MYO15A: variants seen among roughly 807,000 people sequenced by gnomAD.
MYO15A encodes unconventional myosin-XV.
A neutral mutation model predicts 394.6 loss-of-function variants in MYO15A; 308 were observed. The observed-to-expected ratio is 0.78, with a 90% CI of 0.71 to 0.86. The LOEUF is 0.86. Among genes scored for constraint, MYO15A ranks in the 40% least tolerant of loss-of-function variants. The pLI is 0.00. For missense variants in MYO15A, 4,606 were observed against 4,799.1 expected (o/e 0.96, Z 1.19); for synonymous variants, 1,957 against 2,003.8 (o/e 0.98, Z 0.62).
rs372456365 is a variant in MYO15A at position 18,124,957 on chromosome 17, T to G, written c.3693-211T>G. 27 of 618,792 alleles carry G rather than the reference T, an allele frequency of 4.4e-5. No homozygotes were observed. The South Asian group carries it at 5.1e-4, about 12-fold the overall frequency. 38.3% of individuals were successfully genotyped at this position (618,792 alleles called of 1,614,324 possible). A position where few individuals can be genotyped will look rare whatever the true frequency, so the allele number is the denominator to read the frequency against. ...AGTGTCCCCCAAACCCCCAATGAAG[T>G]AGGTACAATGATTATCATACCCATT... On this transcript the variant is annotated intron_variant, in intron 3 of 65. Transcript: ENST00000647165.
chr17:18,136,713 CG>C, intron 15 of MYO15A, 27 bp downstream of exon 15: 1 of 1,572,112 alleles, frequency 6.4e-7, no homozygotes. Context: ...GGCTGAGGGG[CG>C]GGGGACATAG....
rs933911000 is a variant in MYO15A at position 18,150,096 on chromosome 17, C to T, written c.7213-333C>T. 2.5e-6 allele frequency: 1 copy of T among 401,604 alleles called. No homozygotes were observed. Among genetic ancestry groups the T allele is most frequent in the Non-Finnish European group, 4.7e-6 (1 of 214,742 alleles). The allele number at this position is 401,604 out of a possible 1,614,324, so 24.9% of individuals were successfully genotyped here. On this transcript the variant is annotated intron_variant, in intron 35 of 65. Coordinates refer to ENST00000647165, the MANE Select transcript of MYO15A (RefSeq NM_016239.4). The surrounding 1 kb of genome is among the most constrained non-coding windows in gnomAD (Gnocchi z 4.4). ...TAGCCCCAGATCTCACGAGACCCCT[C>T]AGGTACCCTTACTCACTCTGGAAAC... is the stretch of plus-strand genomic sequence containing the variant.
chr17:18,168,949 T>G (rs868678588), intron 62 of MYO15A, among the ~76,000 whole-genome samples: 1 of 135,538 alleles, frequency 7.4e-6, no homozygotes, highest in Non-Finnish European at 1.6e-5. Context: ...TAAAAAAATT[T>G]AAAAAAAAAA....
chr17:18,125,660 G>A (rs1371501855), intron 4 of MYO15A: 3 of 172,772 alleles, frequency 1.7e-5, no homozygotes, highest in Admixed American at 6.8e-5. Context: ...AGCGGAGATC[G>A]CGCCACTGCA....
intron 62 of MYO15A, among the ~76,000 whole-genome samples, chr17:18,170,661 G>A (rs1026269065): frequency 1.6e-4 from 25 of 151,958 alleles, no homozygotes; most frequent in African/African-American, 3.9e-4. Context: ...GCTAGCCACC[G>A]CGCCTTGCCT....
In MYO15A at chr17:18,120,020, C is replaced by A; in HGVS notation, c.1220C>A (p.Ser407Ter). 1.2e-6 allele frequency: 2 copies of A among 1,613,652 alleles called. No homozygotes were observed. Among genetic ancestry groups the A allele is most frequent in the South Asian group, 1.1e-5 (1 of 91,088 alleles). The change falls in exon 2 of 66, where the codon TCG becomes TAG. Residue 407 changes from serine (S) to a stop codon, truncating the protein, a stop_gained. Coordinates refer to ENST00000647165, the MANE Select transcript of MYO15A (RefSeq NM_016239.4). LOFTEE classifies it high-confidence loss of function. ...VPYFYPEESASAFVYPWVPPP... is the reference protein window; with the variant it reads ...VPYFYPEESA ...TATTTTTACCCGGAGGAGTCGGCTT[C>A]GGCCTTTGTGTACCCCTGGGTACCA...
chr17:18,170,207 AT>A (rs2046919691), intron 62 of MYO15A, among the ~76,000 whole-genome samples: 1 of 151,954 alleles, frequency 6.6e-6, no homozygotes, highest in South Asian at 2.1e-4. Context: ...GATGAAAATG[AT>A]TTTCAACCCC....
At chr17:18,157,931 G>GGGGGC in intron 51 of MYO15A, 31 bp downstream of exon 51, 2 of 412,710 alleles carry the variant, frequency 4.8e-6, no homozygotes, top group Non-Finnish European at 9.0e-6. Context: ...GTGGGGCGGG[G>GGGGGC]TAGACCAGGG....
Position 18,130,823 on chromosome 17 carries a change from T to TGTGTGTGTGTGTG in MYO15A, c.4038+14_4038+26dup. On this transcript the variant is annotated intron_variant, in intron 8 of 65. Coordinates refer to ENST00000647165, the MANE Select transcript of MYO15A (RefSeq NM_016239.4). ...CTTGAAGATAAAGGTACTCAGTGTGTGTGTGTGTGTGTGTGTGTGTGTGTG... is the reference window on the plus strand; with the variant it reads ...CTTGAAGATAAAGGTACTCAGTGTGTGTGTGTGTGTGTGGTGTGTGTGTGTGTGTGTGTGTGTG... 9.9e-7 allele frequency: 1 copy of TGTGTGTGTGTGTG among 1,007,560 alleles called. No individual in the cohort carries two copies. Among genetic ancestry groups the TGTGTGTGTGTGTG allele is most frequent in the Non-Finnish European group, 1.4e-6 (1 of 732,368 alleles). The allele number at this position is 1,007,560 out of a possible 1,614,324, so 62.4% of individuals were successfully genotyped here. A position where few individuals can be genotyped will look rare whatever the true frequency, so the allele number is the denominator to read the frequency against.
At chr17:18,152,037 A>C (rs1475022665) in intron 41 of MYO15A, 75 bp from the exon 42 acceptor site, 2 of 1,537,502 alleles carry the variant, frequency 1.3e-6, no homozygotes, top group South Asian at 1.2e-5. Context: ...CTACCCCTAT[A>C]AGCTGTGGCC....
chr17:18,163,148 G>A, intron 58 of MYO15A, 96 bp from the exon 59 acceptor site: 2 of 1,341,182 alleles, frequency 1.5e-6, no homozygotes, highest in Non-Finnish European at 2.1e-6. Flanking sequence ...TGCCAGCCCA[G>A]GATCCTTTGG....
chr17:18,129,760 C>T (rs927188982), intron 7 of MYO15A, among the ~76,000 whole-genome samples: 1 of 152,224 alleles, frequency 6.6e-6, no homozygotes, highest in Non-Finnish European at 1.5e-5. Context: ...TTGTTAACAA[C>T]GGCATTATCA....
At chr17:18,127,901 T>A (rs2046082853) in intron 7 of MYO15A, among the ~76,000 whole-genome samples, 1 of 146,426 alleles carries the variant, frequency 6.8e-6, no homozygotes, top group South Asian at 2.2e-4. Flanking sequence ...AAAGGGTAGG[T>A]GGTGAGTTGT....
At chr17:18,136,338 C>T (rs2046270156) in intron 13 of MYO15A, 79 bp from the exon 14 acceptor site, 3 of 1,553,870 alleles carry the variant, frequency 1.9e-6, no homozygotes, top group Non-Finnish European at 2.7e-6. Flanking sequence ...TCCATGATCC[C>T]ACTCCCTTAG....
rs2046361640 is a variant in MYO15A at position 18,140,638 on chromosome 17, T to C, written c.5333T>C (p.Leu1778Pro). ...HTVAAKFQQS[L>P]LDLVEKMERC... ...GTGGCCGCCAAGTTCCAGCAGTCAC[T>C]CCTGGATCTGGTGGAAAAGATGGAG... The change falls in exon 20 of 66, where the codon CTC (leucine) becomes CCC (proline). Residue 1778 changes from leucine to proline, a missense_variant. Physicochemically the swap from Leu to Pro is moderately conservative, Grantham distance 98. Around this residue, in one of 2 missense-constraint regions of MYO15A, gnomAD observed 2,776 missense variants for 3,109.3 expected, o/e 0.89. Transcript: ENST00000647165. 1 of 1,613,858 alleles carries C rather than the reference T, an allele frequency of 6.2e-7. No homozygotes were observed. The highest frequency in any genetic ancestry group is 8.5e-7 in the Non-Finnish European group (1 of 1,180,036).
At chr17:18,125,529 CT>C in intron 4 of MYO15A, 3 of 338,448 alleles carry the variant, frequency 8.9e-6, no homozygotes, top group Non-Finnish European at 1.7e-5. Flanking sequence ...CCCCTCTCTA[CT>C]AAAAATACAA....
Position 18,155,204 on chromosome 17 carries a change from C to T in MYO15A, c.8319C>T (p.Phe2773=). The T allele has an allele frequency of 8.1e-6, 13 of 1,613,914 alleles. No individual in the cohort carries two copies. Among genetic ancestry groups the T allele is most frequent in the Non-Finnish European group, 1.1e-5 (13 of 1,179,992 alleles). ...STARDTWEVY[F]SRIFPATGSV... ...CACGAGACACCTGGGAGGTCTACTT[C>T]TCCCGCATCTTCCCCGCCACGGTGC... The change falls in exon 46 of 66, where the codon TTC becomes TTT. Residue 2773 remains phenylalanine (F), a synonymous_variant. Coordinates refer to ENST00000647165, the MANE Select transcript of MYO15A (RefSeq NM_016239.4).
At chr17:18,172,084 T>C in intron 63 of MYO15A, 73 bp from the exon 64 acceptor site, 1 of 1,609,854 alleles carries the variant, frequency 6.2e-7, no homozygotes, top group Non-Finnish European at 8.5e-7. Flanking sequence ...AGAGAAGCTA[T>C]GCAGTTCAGG....
chr17:18,126,233 G>A (rs2046035851), intron 4 of MYO15A, 114 bp from the exon 5 acceptor site: 2 of 883,834 alleles, frequency 2.3e-6, no homozygotes, highest in Non-Finnish European at 3.7e-6. Flanking sequence ...CCGAGTCCAG[G>A]CAGCCAGATA....
Sources: gnomAD v4.1 joint callset for allele counts (sites outside exome capture counted in the v4.1 genomes callset) on GRCh38, gnomAD v4.1.1 for gene constraint, gnomAD v4.1.1 regional missense constraint, Gnocchi (gnomAD v3.1) non-coding constraint, MANE v1.5 for transcripts, NCBI Gene and HGNC (gene_info 2026-07-23, HGNC 2026-07-21) for gene names.